The following RTL4 variants were observed in gnomAD, a reference collection of about 807,000 sequenced individuals.
The protein encoded by RTL4 is retrotransposon Gag like 4.
Under a neutral mutation model 5.3 loss-of-function variants are expected in RTL4, and 4 were observed. The ratio of observed to expected loss-of-function variants is 0.75; its 90% CI spans 0.37 to 1.72. The LOEUF is 1.72. RTL4 is among the 40% of genes most tolerant of loss of function. The probability of loss-of-function intolerance (pLI) is 0.04; values close to 1 mark genes in which losing one functional copy is unlikely to be tolerated. For synonymous variants in RTL4, 98 were observed against 87.3 expected (o/e 1.12, Z -0.68); for missense variants, 260 against 227.1 (o/e 1.14, Z -0.93).
the RTL4 span, among the ~76,000 whole-genome samples, chrX:112,237,072 C>T: frequency 9.0e-6 from 1 of 111,436 alleles, no homozygotes; most frequent in Non-Finnish European, 1.9e-5. Flanking sequence ...AAAGGGATTC[C>T]CCCCTAGAGC....
chrX:112,173,043 T>TAATA, the RTL4 span, among the ~76,000 whole-genome samples: 1 of 109,684 alleles, frequency 9.1e-6, no homozygotes, highest in Non-Finnish European at 1.9e-5. Flanking sequence ...GAAGAATGGC[T>TAATA]AATAGATGCT....
chrX:112,388,114 C>T, the RTL4 span, among the ~76,000 whole-genome samples: 1 of 111,857 alleles, frequency 8.9e-6, no homozygotes, highest in African/African-American at 3.3e-5. Context: ...TTGTGGTTCT[C>T]ACTGTAGGAA....
the RTL4 span, among the ~76,000 whole-genome samples, chrX:112,266,560 C>T: frequency 9.0e-6 from 1 of 111,298 alleles, no homozygotes; most frequent in Non-Finnish European, 1.9e-5. Context: ...TGAGGAATTC[C>T]CCTGCCAGAT....
the RTL4 span, among the ~76,000 whole-genome samples, chrX:112,308,916 A>C: frequency 1.8e-5 from 2 of 111,629 alleles, no homozygotes; most frequent in African/African-American, 6.5e-5. Context: ...TCTGTTACCC[A>C]GTGCCCTTCA....
the RTL4 span, among the ~76,000 whole-genome samples, chrX:112,154,652 A>G: frequency 8.9e-6 from 1 of 112,200 alleles, no homozygotes. Flanking sequence ...GGAACCAAAT[A>G]TTGTCTCAGC....
chrX:112,370,891 A>G, the RTL4 span, among the ~76,000 whole-genome samples: 1 of 110,418 alleles, frequency 9.1e-6, no homozygotes, highest in Non-Finnish European at 1.9e-5. Flanking sequence ...TCAGAGCTGA[A>G]GCATTGCTCT....
the RTL4 span, among the ~76,000 whole-genome samples, chrX:112,223,801 T>G: frequency 8.9e-6 from 1 of 112,168 alleles, no homozygotes; most frequent in East Asian, 2.8e-4. Flanking sequence ...CAATATTCAT[T>G]ACCTTTTTCT....
At chrX:112,255,986 CT>C in the RTL4 span, among the ~76,000 whole-genome samples, 1 of 111,487 alleles carries the variant, frequency 9.0e-6, no homozygotes, top group African/African-American at 3.3e-5. Flanking sequence ...TCTCATTAGC[CT>C]TTTTAGCAAC....
the RTL4 span, among the ~76,000 whole-genome samples, chrX:112,116,005 A>G: frequency 8.9e-6 from 1 of 111,870 alleles, no homozygotes; most frequent in Non-Finnish European, 1.9e-5. Flanking sequence ...CCTTTGGCTC[A>G]GCCCAGAAGT....
chrX:112,233,293 T>C, the RTL4 span, among the ~76,000 whole-genome samples: 1 of 109,992 alleles, frequency 9.1e-6, no homozygotes, highest in Non-Finnish European at 1.9e-5. Flanking sequence ...ATTTATCACG[T>C]GGTTGTATCT....
the RTL4 span, among the ~76,000 whole-genome samples, chrX:112,397,173 G>A: frequency 9.0e-6 from 1 of 111,534 alleles, no homozygotes; most frequent in Non-Finnish European, 1.9e-5. Flanking sequence ...ATTGCTTCCA[G>A]TATCCCCATT....
the RTL4 span, among the ~76,000 whole-genome samples, chrX:112,328,131 G>T: frequency 9.2e-6 from 1 of 108,572 alleles, no homozygotes; most frequent in Non-Finnish European, 1.9e-5. Flanking sequence ...ACATCATAAT[G>T]ACAGGATCAA....
At chrX:112,398,395 T>C in the RTL4 span, among the ~76,000 whole-genome samples, 1 of 90,263 alleles carries the variant, frequency 1.1e-5, no homozygotes, top group African/African-American at 4.9e-5. Flanking sequence ...TTTCTTTCTT[T>C]CTTTTTTTTT....
At chrX:112,220,248 T>G in the RTL4 span, among the ~76,000 whole-genome samples, 1 of 112,828 alleles carries the variant, frequency 8.9e-6, no homozygotes, top group Non-Finnish European at 1.9e-5. Flanking sequence ...TTGAAAAATA[T>G]ATTTGTTCTT....
the RTL4 span, among the ~76,000 whole-genome samples, chrX:112,446,936 G>A: frequency 3.0e-4 from 34 of 112,289 alleles, no homozygotes; most frequent in East Asian, 7.6e-3. Flanking sequence ...AACTATGGCT[G>A]TTATGGACAG....
the RTL4 span, among the ~76,000 whole-genome samples, chrX:112,162,007 T>G: frequency 2.7e-5 from 3 of 109,931 alleles, no homozygotes; most frequent in Non-Finnish European, 5.7e-5. Context: ...AACCAGCAAC[T>G]TTTATAATTT....
chrX:112,443,533 A>T, the RTL4 span, among the ~76,000 whole-genome samples: 1 of 111,990 alleles, frequency 8.9e-6, no homozygotes, highest in African/African-American at 3.2e-5. Context: ...CAGTGGTTGT[A>T]CTAATTTACA....
chrX:112,129,507 A>C, the RTL4 span, among the ~76,000 whole-genome samples: 134 of 112,398 alleles, frequency 1.2e-3, 1 homozygote, highest in Middle Eastern at 4.6e-3. Context: ...GTATTAGCAA[A>C]AAACAAACAA....
the RTL4 span, among the ~76,000 whole-genome samples, chrX:112,352,749 A>G: frequency 9.0e-6 from 1 of 111,595 alleles, no homozygotes. Context: ...CCTAGGCAAT[A>G]CCATTCAGGA....
Sources: gnomAD v4.1 joint callset for allele counts (sites outside exome capture counted in the v4.1 genomes callset) on GRCh38, gnomAD v4.1.1 for gene constraint, MANE v1.5 for transcripts, NCBI Gene and HGNC (gene_info 2026-07-23, HGNC 2026-07-21) for gene names.